Variants in RBM17 observed in about 807,000 individuals in gnomAD.
RBM17 encodes splicing factor 45.
A neutral mutation model predicts 53.2 loss-of-function variants in RBM17; 7 were observed. The observed-to-expected ratio is 0.13, with a 90% confidence interval of 0.07 to 0.25. The LOEUF (loss-of-function observed/expected upper bound fraction) is 0.25. Ranked by LOEUF, RBM17 falls within the 10% of genes least tolerant of loss-of-function variation. The pLI is 1.00. For synonymous variants in RBM17, 167 were observed against 178.1 expected, an observed-to-expected ratio of 0.94 and a Z score of 0.50; for missense variants, 257 against 496.7, an observed-to-expected ratio of 0.52 and a Z score of 4.59.
At chr10:6,109,875 G>A in intron 6 of RBM17, 111 bp from the exon 7 acceptor site, 1 of 928,200 alleles carries the variant, frequency 1.1e-6, no homozygotes, top group Non-Finnish European at 1.5e-6. Flanking sequence ...CTCTCCTTGT[G>A]GTAAACCAAA....
intron 3 of RBM17, 50 bp downstream of exon 3, chr10:6,101,437 G>A (rs1564566943): frequency 1.6e-6 from 2 of 1,228,132 alleles, no homozygotes; most frequent in Admixed American, 2.0e-5. Flanking sequence ...GTTCCCATGT[G>A]GCTTATTTTG....
rs1350590512 is a variant in RBM17, at chr10:6,116,808, A to G, written c.*1252A>G. The stretch of plus-strand genomic sequence containing the variant: ...AAGGATTTTCTCATGTTTTTATTTA[A>G]CATAAATAAAAGAATAACATTTTAT... On this transcript the variant is annotated 3_prime_UTR_variant, in exon 12 of 12. Coordinates refer to ENST00000379888, the MANE Select transcript of RBM17 (RefSeq NM_032905.5). The G allele has an allele frequency of 6.6e-6, 1 of 152,364 alleles. No homozygotes were observed. The highest frequency in any genetic ancestry group is 1.5e-5 in the Non-Finnish European group (1 of 68,046). The allele number at this position is 152,364 out of a possible 1,614,324, so 9.4% of individuals were successfully genotyped here.
chr10:6,110,254 T>C lies in RBM17; in HGVS notation c.704+127T>C, dbSNP rs916162075. 1.9e-5 allele frequency: 13 copies of C among 696,056 alleles called. No individual in the cohort carries two copies. In the East Asian group the frequency reaches 4.1e-4, roughly 22 times the overall value. The allele number at this position is 696,056 out of a possible 1,614,324, so 43.1% of individuals were successfully genotyped here. A position where few individuals can be genotyped will look rare whatever the true frequency, so the allele number is the denominator to read the frequency against. On this transcript the variant is annotated intron_variant, in intron 7 of 11. Coordinates refer to ENST00000379888, the MANE Select transcript of RBM17 (RefSeq NM_032905.5). ...CCCTTGGTGTGTGCAGGTCACACGG[T>C]ACCTGCCTCAATCGTGTGGAGCGTG...
chr10:6,102,645 G>A lies in RBM17; in HGVS notation c.240+1258G>A, dbSNP rs143568032. On this transcript the variant is annotated intron_variant, in intron 3 of 11. Coordinates refer to ENST00000379888, the MANE Select transcript of RBM17 (RefSeq NM_032905.5). Reference sequence around the variant, plus strand: ...ATAATATTAGTCTCCTATTTAATGAGTAAGCCTTTTTCCTCCTTGTTACAT... The same window carrying A: ...ATAATATTAGTCTCCTATTTAATGAATAAGCCTTTTTCCTCCTTGTTACAT... Among the ~76,000 whole-genome samples the A allele has an allele frequency of 3.7e-3, 559 of 152,200 alleles. 1 individual carries two copies. The highest frequency in any genetic ancestry group is 0.013 in the African/African-American group (519 of 41,518).
chr10:6,111,054 A>T (rs1397783488), intron 7 of RBM17, among the ~76,000 whole-genome samples: 1 of 152,216 alleles, frequency 6.6e-6, no homozygotes, highest in Non-Finnish European at 1.5e-5. Flanking sequence ...CTTAGGAAAG[A>T]TGCAAGATGG....
At chr10:6,094,371 T>C (rs2132938297) in intron 1 of RBM17, among the ~76,000 whole-genome samples, 1 of 152,342 alleles carries the variant, frequency 6.6e-6, no homozygotes, top group South Asian at 2.1e-4. Context: ...ATAGTCTGTA[T>C]TGAGAAAAGC....
At chr10:6,113,830 T>G (rs985583908) in intron 9 of RBM17, 5 of 585,172 alleles carry the variant, frequency 8.5e-6, no homozygotes, top group African/African-American at 1.9e-5. Context: ...GTTTATACAT[T>G]TTGGTGCTTG....
intron 7 of RBM17, among the ~76,000 whole-genome samples, chr10:6,111,472 T>A (rs562664061): frequency 6.6e-6 from 1 of 152,372 alleles, no homozygotes; most frequent in South Asian, 2.1e-4. Context: ...GCCAAGTAGC[T>A]GGGACTACAG....
chr10:6,107,365 A>C (rs1406155414), intron 5 of RBM17, among the ~76,000 whole-genome samples: 1 of 151,370 alleles, frequency 6.6e-6, no homozygotes, highest in African/African-American at 2.4e-5. Context: ...TTTAGTAGAG[A>C]CAGGGTTTCA....
chr10:6,101,554 T>G (rs1489889611), intron 3 of RBM17, among the ~76,000 whole-genome samples, 167 bp downstream of exon 3: 1 of 152,262 alleles, frequency 6.6e-6, no homozygotes, highest in Non-Finnish European at 1.5e-5. Flanking sequence ...TTAAAATGTA[T>G]CTATTTGAAA....
chr10:6,096,217 C>T (rs774948493), intron 1 of RBM17, among the ~76,000 whole-genome samples: 5 of 151,942 alleles, frequency 3.3e-5, no homozygotes, highest in Non-Finnish European at 5.9e-5. Flanking sequence ...GGTTCACTGG[C>T]GAGGGCTCTG....
In RBM17 at chr10:6,110,141, G is replaced by A. The variant is rs142253115; in HGVS notation, c.704+14G>A. 9.4e-6 allele frequency: 15 copies of A among 1,599,344 alleles called. No individual in the cohort carries two copies. The East Asian group carries it at 2.7e-4, about 29-fold the overall frequency. On this transcript the variant is annotated intron_variant, in intron 7 of 11. Coordinates refer to ENST00000379888, the MANE Select transcript of RBM17 (RefSeq NM_032905.5). Reference sequence around the variant, plus strand: ...CGCTAACATGGGGTAATGATTTAATGTTCTTATCTAAGGACTTGAGAGACA... The same window carrying A: ...CGCTAACATGGGGTAATGATTTAATATTCTTATCTAAGGACTTGAGAGACA...
At chr10:6,102,716 A>C (rs1250065600) in intron 3 of RBM17, among the ~76,000 whole-genome samples, 1 of 152,178 alleles carries the variant, frequency 6.6e-6, no homozygotes, top group African/African-American at 2.4e-5. Flanking sequence ...AATGCATCAT[A>C]ATTTACACAA....
chr10:6,098,837 C>T (rs1022769197), intron 2 of RBM17, among the ~76,000 whole-genome samples: 27 of 152,076 alleles, frequency 1.8e-4, no homozygotes, highest in South Asian at 2.1e-4. Flanking sequence ...CGTGAGCCAC[C>T]GTGTCCGGCC....
Position 6,112,130 on chromosome 10 carries a change from G to A in RBM17, c.705-80G>A. ...GAGCATGCACTCTCTCCAGAAGGAG[G>A]TTGTTGTGATGGAAAAATGCAACCT... On this transcript the variant is annotated intron_variant, in intron 7 of 11. Transcript: ENST00000379888. The surrounding 1 kb of genome is among the most constrained non-coding windows in gnomAD (Gnocchi z 4.4). 6.9e-7 allele frequency: 1 copy of A among 1,459,130 alleles called. No individual in the cohort carries two copies. Among genetic ancestry groups the A allele is most frequent in the Non-Finnish European group, 9.4e-7 (1 of 1,067,340 alleles). The allele number at this position is 1,459,130 out of a possible 1,614,324, so 90.4% of individuals were successfully genotyped here. A position where few individuals can be genotyped will look rare whatever the true frequency, so the allele number is the denominator to read the frequency against.
At chr10:6,115,352 A>G (rs1840898454) in intron 11 of RBM17, 41 bp downstream of exon 11, 1 of 1,558,850 alleles carries the variant, frequency 6.4e-7, no homozygotes, top group African/African-American at 1.4e-5. Context: ...AAAAAGTTGA[A>G]TTTACAGCCT....
In RBM17 at chr10:6,098,563, G is replaced by GTTTTTTTTTTTTTTTTTTTT. The variant is rs398012715; in HGVS notation, c.123+1386_123+1405dup. Among the ~76,000 whole-genome samples the GTTTTTTTTTTTTTTTTTTTT allele has an allele frequency of 6.4e-5, 3 of 46,666 alleles. 1 individual carries two copies. The highest frequency in any genetic ancestry group is 2.4e-4 in the African/African-American group (3 of 12,584). The allele number at this position is 46,666 out of a possible 152,430, so 30.6% of individuals were successfully genotyped here. A position where few individuals can be genotyped will look rare whatever the true frequency, so the allele number is the denominator to read the frequency against. ...AATTTCCGTAATACACAGGTTTTTT[G>GTTTTTTTTTTTTTTTTTTTT]TTTTTTTTTTTTTTTTTTTTTTTTT... On this transcript the variant is annotated intron_variant, in intron 2 of 11. Transcript: ENST00000379888.
At chr10:6,105,181 A>G in intron 4 of RBM17, 84 bp downstream of exon 4, 3 of 1,288,046 alleles carry the variant, frequency 2.3e-6, no homozygotes, top group Non-Finnish European at 3.3e-6. Context: ...TGCTGTCTGT[A>G]AGGCTGAAGT....
rs762100763 is a variant in RBM17 at position 6,098,554 on chromosome 10, A to AG, written c.123+1368dup. Among the ~76,000 whole-genome samples the AG allele has an allele frequency of 2.2e-3, 262 of 118,284 alleles. 2 individuals are homozygous for AG. Among genetic ancestry groups the AG allele is most frequent in the South Asian group, 4.4e-3 (15 of 3,424 alleles). The allele number at this position is 118,284 out of a possible 152,430, so 77.6% of individuals were successfully genotyped here. On this transcript the variant is annotated intron_variant, in intron 2 of 11. Transcript: ENST00000379888. ...ATGTTTGAAAATTTCCGTAATACAC[A>AG]GGTTTTTTGTTTTTTTTTTTTTTTT...
Sources: gnomAD v4.1 joint callset for allele counts (sites outside exome capture counted in the v4.1 genomes callset) on GRCh38, gnomAD v4.1.1 for gene constraint, Gnocchi (gnomAD v3.1) non-coding constraint, MANE v1.5 for transcripts, NCBI Gene and HGNC (gene_info 2026-07-23, HGNC 2026-07-21) for gene names.